Variants in MAP4K4 observed in about 807,000 individuals in gnomAD.
The protein encoded by MAP4K4 is HPK/GCK-like kinase HGK.
A neutral mutation model predicts 189.6 loss-of-function variants in MAP4K4; 38 were observed. The ratio of observed to expected loss-of-function variants is 0.20; its 90% confidence interval spans 0.15 to 0.26. The LOEUF (loss-of-function observed/expected upper bound fraction) is 0.26. Among genes scored for constraint, MAP4K4 ranks in the 10% least tolerant of loss-of-function variants. MAP4K4 has a pLI of 1.00. For missense variants in MAP4K4, 1,054 were observed against 1,726.9 expected (o/e 0.61, Z 6.91); for synonymous variants, 610 against 624.3 (o/e 0.98, Z 0.34).
At chr2:101,759,508 C>G (rs562252640) in intron 2 of MAP4K4, among the ~76,000 whole-genome samples, 1 of 61,370 alleles carries the variant, frequency 1.6e-5, no homozygotes, top group Non-Finnish European at 3.2e-5. Context: ...CCCCTCTCCC[C>G]TCCCCTCCCC....
rs1199190750 is a variant in MAP4K4 at position 101,734,132 on chromosome 2, TG to T, written c.123+35595del. ...AAATAAATCCCATGAGTGAGTTGATTGCTTATCCATTATACAGGGTATCATA... is the reference window on the plus strand; with the variant it reads ...AAATAAATCCCATGAGTGAGTTGATTCTTATCCATTATACAGGGTATCATA... On this transcript the variant is annotated intron_variant, in intron 2 of 32. Transcript: ENST00000324219. Among the ~76,000 whole-genome samples the T allele has an allele frequency of 5.3e-5, 8 of 152,342 alleles. No homozygotes were observed. The East Asian group carries it at 7.7e-4, about 15-fold the overall frequency.
intron 2 of MAP4K4, among the ~76,000 whole-genome samples, chr2:101,731,907 G>A (rs546738959): frequency 2.0e-5 from 3 of 152,114 alleles, no homozygotes; most frequent in Non-Finnish European, 2.9e-5. Context: ...TTTGGTTAGT[G>A]GATACGTTTC....
chr2:101,838,822 A>G (rs185750893), intron 9 of MAP4K4, among the ~76,000 whole-genome samples: 18 of 152,374 alleles, frequency 1.2e-4, no homozygotes, highest in Admixed American at 1.1e-3. Context: ...GAAAGAGTGA[A>G]CTAATTTTCT....
At chr2:101,740,870 C>T (rs1478748277) in intron 2 of MAP4K4, among the ~76,000 whole-genome samples, 1 of 152,148 alleles carries the variant, frequency 6.6e-6, no homozygotes, top group African/African-American at 2.4e-5. Context: ...CTCTCCTTTT[C>T]TGTAGCTAAC....
intron 3 of MAP4K4, among the ~76,000 whole-genome samples, chr2:101,818,915 G>A (rs1418924715): frequency 1.3e-5 from 2 of 152,114 alleles, no homozygotes; most frequent in African/African-American, 4.8e-5. Context: ...AACCAGGAGG[G>A]GGACCTTTTT....
chr2:101,741,164 ATTTTTTTTTTTT>A (rs11341237), intron 2 of MAP4K4, among the ~76,000 whole-genome samples: 3 of 111,398 alleles, frequency 2.7e-5, no homozygotes, highest in African/African-American at 1.1e-4. Flanking sequence ...GGTAGTAGGT[ATTTTTTTTTTTT>A]TTTTTTTTTG....
intron 2 of MAP4K4, among the ~76,000 whole-genome samples, chr2:101,754,121 A>G (rs1020906885): frequency 5.9e-5 from 9 of 152,214 alleles, no homozygotes; most frequent in Admixed American, 5.2e-4. Context: ...ACTAGTTAAT[A>G]TTAATCTAGC....
intron 7 of MAP4K4, among the ~76,000 whole-genome samples, chr2:101,833,387 G>A (rs922316792): frequency 1.3e-5 from 2 of 152,202 alleles, no homozygotes; most frequent in African/African-American, 2.4e-5. Flanking sequence ...TTGGGAGGCC[G>A]AGGCGGGTGG....
chr2:101,709,613 C>A (rs116100532), intron 2 of MAP4K4, among the ~76,000 whole-genome samples: 1 of 152,098 alleles, frequency 6.6e-6, no homozygotes, highest in East Asian at 1.9e-4. Flanking sequence ...ACTAGTTTTT[C>A]CTTCTATTTT....
At chr2:101,824,616 C>T (rs1559084951) in intron 4 of MAP4K4, among the ~76,000 whole-genome samples, 1 of 152,164 alleles carries the variant, frequency 6.6e-6, no homozygotes, top group African/African-American at 2.4e-5. Flanking sequence ...ATTATTTAAA[C>T]TTATAAAGCA....
chr2:101,824,115 C>CGGGGGGG (rs1191941902), intron 4 of MAP4K4, 62 bp downstream of exon 4: 1 of 40,578 alleles, frequency 2.5e-5, no homozygotes, highest in Admixed American at 2.5e-4. Flanking sequence ...AAGGGCATGG[C>CGGGGGGG]GGGGGTGGGG....
chr2:101,773,080 G>C (rs563997455), intron 2 of MAP4K4, among the ~76,000 whole-genome samples: 25 of 152,276 alleles, frequency 1.6e-4, no homozygotes, highest in African/African-American at 5.5e-4. Context: ...GGGCTTCTCT[G>C]TGCCCTAGTT....
chr2:101,868,271 G>A (rs937059893), intron 21 of MAP4K4, among the ~76,000 whole-genome samples: 11 of 152,122 alleles, frequency 7.2e-5, no homozygotes, highest in Non-Finnish European at 1.5e-4. Flanking sequence ...CTATAACCAC[G>A]AAATACTAAT....
intron 2 of MAP4K4, among the ~76,000 whole-genome samples, chr2:101,772,163 C>A (rs1232299729): frequency 6.6e-6 from 1 of 152,146 alleles, no homozygotes; most frequent in Non-Finnish European, 1.5e-5. Flanking sequence ...TGGGCATGGC[C>A]CCTGATGGAG....
intron 2 of MAP4K4, among the ~76,000 whole-genome samples, chr2:101,705,562 A>C (rs372541731): frequency 8.0e-4 from 122 of 152,360 alleles, no homozygotes; most frequent in African/African-American, 2.8e-3. Flanking sequence ...ATAGAATATC[A>C]GTCTACTTTT....
intron 2 of MAP4K4, among the ~76,000 whole-genome samples, chr2:101,732,491 G>C (rs899658401): frequency 6.6e-6 from 1 of 152,090 alleles, no homozygotes; most frequent in African/African-American, 2.4e-5. Flanking sequence ...CCATGCAACT[G>C]CATTTCCCCT....
At chr2:101,739,288 T>C (rs1286181479) in intron 2 of MAP4K4, among the ~76,000 whole-genome samples, 1 of 152,222 alleles carries the variant, frequency 6.6e-6, no homozygotes, top group African/African-American at 2.4e-5. Context: ...TGCCTTCAGG[T>C]TACAGCATGG....
chr2:101,866,441 A>G, exon 19 of MAP4K4: 1 of 1,612,880 alleles, frequency 6.2e-7, no homozygotes, highest in Non-Finnish European at 8.5e-7. Context: ...TATTGAGCCC[A>G]GGCTTCTGTG....
intron 2 of MAP4K4, among the ~76,000 whole-genome samples, chr2:101,778,316 C>T (rs1011016632): frequency 6.6e-6 from 1 of 152,186 alleles, no homozygotes; most frequent in African/African-American, 2.4e-5. Context: ...GTCTCTGATT[C>T]GTGTGTCCAG....
Sources: allele counts gnomAD v4.1 joint callset (sites outside exome capture counted in the v4.1 genomes callset), GRCh38; gene constraint gnomAD v4.1.1; transcripts MANE v1.5; gene names NCBI Gene and HGNC (gene_info 2026-07-23, HGNC 2026-07-21).